ADAMTS9: variants seen among roughly 807,000 people sequenced by gnomAD.
ADAMTS9 encodes A disintegrin and metalloproteinase with thrombospondin motifs 9.
Under a neutral mutation model 257.1 loss-of-function variants are expected in ADAMTS9, and 107 were observed. The observed-to-expected ratio is 0.42, with a 90% confidence interval of 0.36 to 0.49. The LOEUF is 0.49. ADAMTS9 is among the 20% of genes least tolerant of loss of function. The pLI, the probability that ADAMTS9 is intolerant of heterozygous loss-of-function variation, is 0.03. For missense variants in ADAMTS9, 2,353 were observed against 2,469.1 expected (o/e 0.95, Z 1.00); for synonymous variants, 982 against 880.9 (o/e 1.11, Z -2.03).
intron 28 of ADAMTS9, among the ~76,000 whole-genome samples, chr3:64,582,056 A>G (rs1403389033): frequency 6.6e-6 from 1 of 152,186 alleles, no homozygotes; most frequent in Non-Finnish European, 1.5e-5. Flanking sequence ...GGACCAAGAC[A>G]TATCATCTAA....
intron 3 of ADAMTS9, among the ~76,000 whole-genome samples, chr3:64,672,404 C>T (rs1701514579): frequency 1.3e-5 from 2 of 152,166 alleles, no homozygotes; most frequent in South Asian, 4.1e-4. Flanking sequence ...TTTTAGGGGC[C>T]AAGTGTGGTG....
chr3:64,558,654 C>A (rs1244106898), intron 30 of ADAMTS9, among the ~76,000 whole-genome samples: 1 of 152,084 alleles, frequency 6.6e-6, no homozygotes, highest in Non-Finnish European at 1.5e-5. Context: ...GAGGATGGTG[C>A]CATATCCTAC....
At chr3:64,656,776 A>C (rs929439207) in intron 4 of ADAMTS9, among the ~76,000 whole-genome samples, 7 of 151,924 alleles carry the variant, frequency 4.6e-5, no homozygotes, top group African/African-American at 1.7e-4. Context: ...CACGGAGGCC[A>C]GGCAGGGTTG....
chr3:64,589,306 T>G (rs567343532), intron 28 of ADAMTS9: 1 of 152,206 alleles, frequency 6.6e-6, no homozygotes, highest in Non-Finnish European at 1.5e-5. Flanking sequence ...AGCTAAATAA[T>G]GTTGAGGCTA....
intron 22 of ADAMTS9, among the ~76,000 whole-genome samples, chr3:64,609,569 T>A (rs2106828240): frequency 6.6e-6 from 1 of 152,128 alleles, no homozygotes; most frequent in South Asian, 2.1e-4. Context: ...GGAACAAGCT[T>A]AAACAAGGAG....
chr3:64,553,870 T>C (rs2083299354), intron 30 of ADAMTS9, among the ~76,000 whole-genome samples: 1 of 152,144 alleles, frequency 6.6e-6, no homozygotes, highest in Non-Finnish European at 1.5e-5. Flanking sequence ...TCAGTGGTTT[T>C]GGGGTTCTCT....
rs73832368 is a variant in ADAMTS9 at position 64,658,679 on chromosome 3, C to T, written c.792G>A (p.Glu264=). 10,820 of 1,614,010 alleles carry T rather than the reference C, an allele frequency of 6.7e-3. 562 individuals are homozygous for T. The African/African-American group carries it at 0.12, about 18-fold the overall frequency. The change falls in exon 4 of 40, where the codon GAG becomes GAA. Residue 264 remains glutamate (E), a synonymous_variant. Transcript: ENST00000498707. The stretch of plus-strand genomic sequence containing the variant: ...TCTTATTACCATAAGCAGAAAATGC[C>T]TCTGTTGCTAAGCCGCTGTTTAATG... ...VAALNSGLAT[E]AFSAYGNKTD... is the part of the protein sequence containing the mutation.
At chr3:64,535,623 G>A (rs887831516) in intron 37 of ADAMTS9, among the ~76,000 whole-genome samples, 3 of 139,088 alleles carry the variant, frequency 2.2e-5, no homozygotes, top group Non-Finnish European at 4.6e-5. Context: ...GCATAATTTT[G>A]GCTCACTGCA....
At chr3:64,543,340 C>T (rs1051219182) in intron 32 of ADAMTS9, among the ~76,000 whole-genome samples, 9 of 152,294 alleles carry the variant, frequency 5.9e-5, no homozygotes, top group Admixed American at 2.0e-4. Flanking sequence ...ACCAATATCC[C>T]TGATGAACAT....
intron 19 of ADAMTS9, among the ~76,000 whole-genome samples, chr3:64,617,934 G>T (rs1576122865): frequency 6.6e-6 from 1 of 152,268 alleles, no homozygotes; most frequent in East Asian, 1.9e-4. Flanking sequence ...TTTGGACACA[G>T]CTACTTGACA....
Position 64,686,496 on chromosome 3 carries a change from A to G in ADAMTS9, c.516+72T>C. The G allele has an allele frequency of 6.7e-7, 1 of 1,486,350 alleles. No homozygotes were observed. The highest frequency in any genetic ancestry group is 9.0e-7 in the Non-Finnish European group (1 of 1,112,864). The allele number at this position is 1,486,350 out of a possible 1,614,324, so 92.1% of individuals were successfully genotyped here. ...CGCCACAGTGAGGGTCTCTAGGCTT[A>G]GAGGACAATTAAGTCTTCTAGAAGC... On this transcript the variant is annotated intron_variant, in intron 2 of 39. Coordinates refer to ENST00000498707, the MANE Select transcript of ADAMTS9 (RefSeq NM_182920.2). The surrounding 1 kb of genome is among the most constrained non-coding windows in gnomAD (Gnocchi z 4.6).
At chr3:64,553,868 T>C (rs1176352021) in intron 30 of ADAMTS9, among the ~76,000 whole-genome samples, 1 of 152,132 alleles carries the variant, frequency 6.6e-6, no homozygotes, top group African/African-American at 2.4e-5. Context: ...GCTCAGTGGT[T>C]TTGGGGTTCT....
At chr3:64,533,401 T>A in intron 37 of ADAMTS9, 131 bp from the exon 38 acceptor site, 1 of 691,334 alleles carries the variant, frequency 1.4e-6, no homozygotes. Context: ...AGCTACTAAT[T>A]ATTGATAGTA....
intron 38 of ADAMTS9, 56 bp downstream of exon 38, chr3:64,533,110 C>A: frequency 6.7e-7 from 1 of 1,499,358 alleles, no homozygotes; most frequent in Non-Finnish European, 9.2e-7. Flanking sequence ...GTAATAAAGA[C>A]AAGAACGAAA....
intron 20 of ADAMTS9, 69 bp downstream of exon 20, chr3:64,615,891 C>T (rs2106845192): frequency 2.5e-6 from 4 of 1,581,082 alleles, no homozygotes; most frequent in Non-Finnish European, 3.5e-6. Flanking sequence ...GGCTTACACA[C>T]CTGCAAGGAG....
intron 39 of ADAMTS9, among the ~76,000 whole-genome samples, chr3:64,520,675 A>G (rs2082838636): frequency 1.3e-5 from 2 of 152,076 alleles, no homozygotes; most frequent in African/African-American, 4.8e-5. Context: ...CTTCAACACA[A>G]TCAACAAAAA....
rs573021207 is a variant in ADAMTS9, at chr3:64,683,718, G to C, written c.517-2355C>G. On this transcript the variant is annotated intron_variant, in intron 2 of 39. Coordinates refer to ENST00000498707, the MANE Select transcript of ADAMTS9 (RefSeq NM_182920.2). ...TGGGCCTAAGAGTTATCTTTTCTTG[G>C]TTAAGGTGACTATTTATTCAAACAT... 3.9e-5 allele frequency among the ~76,000 whole-genome samples: 6 copies of C among 152,260 alleles called. No homozygotes were observed. In the South Asian group the frequency reaches 1.2e-3, roughly 32 times the overall value.
Position 64,533,202 on chromosome 3 carries a change from T to C in ADAMTS9, c.5682A>G (p.Gln1894=). ...SLTESARWIS[Q]GNYAVSDIKK... is the part of the protein sequence containing the mutation. ...TGATGTCAGAGACAGCATAATTCCCTTGTGATATCCATCTGGCAGATTCAG... is the reference window on the plus strand; with the variant it reads ...TGATGTCAGAGACAGCATAATTCCCCTGTGATATCCATCTGGCAGATTCAG... The change falls in exon 38 of 40, where the codon CAA becomes CAG. Residue 1894 remains glutamine, a synonymous_variant. Transcript: ENST00000498707. 1 of 1,614,144 alleles carries C rather than the reference T, an allele frequency of 6.2e-7. No individual in the cohort carries two copies. The highest frequency in any genetic ancestry group is 8.5e-7 in the Non-Finnish European group (1 of 1,180,000).
chr3:64,551,212 T>C (rs961609136), intron 30 of ADAMTS9, 150 bp from the exon 31 acceptor site: 1 of 956,764 alleles, frequency 1.0e-6, no homozygotes, highest in Admixed American at 3.0e-5. Flanking sequence ...TTTGTTTTTT[T>C]GGTTTTATTT....
Sources: allele counts gnomAD v4.1 joint callset (sites outside exome capture counted in the v4.1 genomes callset), GRCh38; gene constraint gnomAD v4.1.1; non-coding constraint Gnocchi (gnomAD v3.1); transcripts MANE v1.5; gene names NCBI Gene and HGNC (gene_info 2026-07-23, HGNC 2026-07-21).